Variants in FSTL5 observed in about 807,000 individuals in gnomAD.
FSTL5 encodes follistatin-related protein 5.
In FSTL5, 62 loss-of-function variants were observed where a neutral mutation model predicts 89.1. The observed-to-expected ratio is 0.70, with a 90% CI of 0.57 to 0.86. The LOEUF is 0.86. Ranked by LOEUF, FSTL5 falls within the 40% of genes least tolerant of loss-of-function variation. The pLI is 0.00. For synonymous variants in FSTL5, 383 were observed against 346.2 expected (o/e 1.11, Z -1.18); for missense variants, 1,057 against 1,001.6 (o/e 1.06, Z -0.75).
chr4:162,044,014 C>T (rs1738076869), intron 2 of FSTL5, among the ~76,000 whole-genome samples: 1 of 152,114 alleles, frequency 6.6e-6, no homozygotes, highest in African/African-American at 2.4e-5. Flanking sequence ...ATCACCTTCT[C>T]CAAAACTCCT....
chr4:161,770,367 C>A (rs1415489957), intron 5 of FSTL5, among the ~76,000 whole-genome samples: 2 of 151,838 alleles, frequency 1.3e-5, no homozygotes, highest in Admixed American at 6.6e-5. Context: ...TTGCTTGTAG[C>A]AAAAAGGATA....
chr4:162,054,161 T>C (rs995588949), intron 2 of FSTL5, among the ~76,000 whole-genome samples: 4 of 151,768 alleles, frequency 2.6e-5, no homozygotes, highest in Non-Finnish European at 4.4e-5. Flanking sequence ...TATTAGAAAA[T>C]TTAGTATTAC....
intron 6 of FSTL5, among the ~76,000 whole-genome samples, chr4:161,718,037 C>A (rs758955372): frequency 6.6e-6 from 1 of 152,086 alleles, no homozygotes; most frequent in Admixed American, 6.5e-5. Flanking sequence ...GAAAAGACTG[C>A]TTCTTCTGTC....
At chr4:161,487,362 T>C (rs1729714524) in intron 12 of FSTL5, among the ~76,000 whole-genome samples, 1 of 152,166 alleles carries the variant, frequency 6.6e-6, no homozygotes, top group Non-Finnish European at 1.5e-5. Flanking sequence ...CTAATCAAAA[T>C]GTGGTCTGTA....
chr4:161,905,016 G>A (rs915375692), intron 4 of FSTL5, among the ~76,000 whole-genome samples: 1 of 151,936 alleles, frequency 6.6e-6, no homozygotes, highest in South Asian at 2.1e-4. Flanking sequence ...TAAAAGGGCA[G>A]TTGGAGACAT....
intron 6 of FSTL5, among the ~76,000 whole-genome samples, chr4:161,751,337 A>G (rs1300215777): frequency 6.6e-6 from 1 of 152,178 alleles, no homozygotes; most frequent in Non-Finnish European, 1.5e-5. Context: ...TCCTTTTTGA[A>G]TACATGTTTA....
intron 3 of FSTL5, among the ~76,000 whole-genome samples, chr4:161,933,781 T>C (rs192542301): frequency 6.6e-6 from 1 of 151,998 alleles, no homozygotes; most frequent in African/African-American, 2.4e-5. Context: ...AGCCAATCTG[T>C]ACAGTTATCC....
chr4:161,781,300 T>C (rs778874393), intron 4 of FSTL5, among the ~76,000 whole-genome samples: 6 of 151,592 alleles, frequency 4.0e-5, no homozygotes, highest in Non-Finnish European at 8.8e-5. Context: ...GAACCAAAAT[T>C]ATCTTGGTTA....
At chr4:161,734,081 A>T (rs1402856516) in intron 6 of FSTL5, among the ~76,000 whole-genome samples, 1 of 152,182 alleles carries the variant, frequency 6.6e-6, no homozygotes, top group Non-Finnish European at 1.5e-5. Context: ...TCAATGAGAA[A>T]GTATGAAAAG....
At chr4:161,514,954 A>G (rs1730766083) in intron 10 of FSTL5, among the ~76,000 whole-genome samples, 2 of 152,116 alleles carry the variant, frequency 1.3e-5, no homozygotes, top group African/African-American at 4.8e-5. Flanking sequence ...GAATATAGAA[A>G]GTGTAGCAAA....
chr4:162,095,413 T>C (rs961341142), intron 2 of FSTL5, among the ~76,000 whole-genome samples: 11 of 152,152 alleles, frequency 7.2e-5, no homozygotes, highest in African/African-American at 2.7e-4. Flanking sequence ...AAGCATAATA[T>C]GCAGTTTTCT....
chr4:161,842,761 T>C (rs1348019735), intron 4 of FSTL5, among the ~76,000 whole-genome samples: 1 of 152,176 alleles, frequency 6.6e-6, no homozygotes. Context: ...ATTTTATTTA[T>C]TCTAATACTT....
intron 15 of FSTL5, among the ~76,000 whole-genome samples, chr4:161,440,938 A>T (rs1043317393): frequency 3.3e-5 from 5 of 152,166 alleles, no homozygotes; most frequent in Non-Finnish European, 7.4e-5. Context: ...TGCCTAATAA[A>T]TTTTGAGTGT....
chr4:161,692,628 G>A (rs1452534384), intron 6 of FSTL5, among the ~76,000 whole-genome samples: 6 of 152,136 alleles, frequency 3.9e-5, no homozygotes, highest in Non-Finnish European at 8.8e-5. Context: ...TGTCCAGGGG[G>A]ACAACCCTAT....
At chr4:161,457,593 A>G (rs1733404560) in intron 14 of FSTL5, among the ~76,000 whole-genome samples, 1 of 152,150 alleles carries the variant, frequency 6.6e-6, no homozygotes, top group African/African-American at 2.4e-5. Context: ...AGAGGAAGGG[A>G]TCAATTCTGA....
intron 15 of FSTL5, among the ~76,000 whole-genome samples, chr4:161,437,705 T>G (rs1049368605): frequency 6.6e-6 from 1 of 152,080 alleles, no homozygotes; most frequent in Non-Finnish European, 1.5e-5. Flanking sequence ...AGAAGGCAAT[T>G]CAACAAATTA....
At chr4:162,059,479 T>G (rs1738652892) in intron 2 of FSTL5, among the ~76,000 whole-genome samples, 1 of 152,172 alleles carries the variant, frequency 6.6e-6, no homozygotes, top group Admixed American at 6.5e-5. Flanking sequence ...TATTGGGAAT[T>G]CAGAAGAAAA....
At chr4:162,053,553 C>T (rs1032599557) in intron 2 of FSTL5, among the ~76,000 whole-genome samples, 2 of 151,598 alleles carry the variant, frequency 1.3e-5, no homozygotes, top group Non-Finnish European at 1.5e-5. Flanking sequence ...ACAGACTATG[C>T]TCCCCCAAAT....
At chr4:161,670,963 G>C (rs1306105757) in intron 6 of FSTL5, among the ~76,000 whole-genome samples, 1 of 152,148 alleles carries the variant, frequency 6.6e-6, no homozygotes, top group African/African-American at 2.4e-5. Flanking sequence ...CTGTGAGCCT[G>C]GGAATCTTCT....
Sources: gnomAD v4.1 joint callset for allele counts (sites outside exome capture counted in the v4.1 genomes callset) on GRCh38, gnomAD v4.1.1 for gene constraint, MANE v1.5 for transcripts, NCBI Gene and HGNC (gene_info 2026-07-23, HGNC 2026-07-21) for gene names.